Variants in RSF1 observed in about 807,000 individuals in gnomAD.
The protein encoded by RSF1 is remodeling and spacing factor 1.
RSF1 carries 13 observed loss-of-function variants against 145.2 expected under a neutral mutation model. The ratio of observed to expected loss-of-function variants is 0.09; its 90% confidence interval spans 0.06 to 0.14. RSF1 has a LOEUF of 0.14. Among genes scored for constraint, RSF1 ranks in the 10% least tolerant of loss-of-function variants. RSF1 has a pLI of 1.00. For missense variants in RSF1, 1,517 were observed against 1,718.2 expected (o/e 0.88, Z 2.07); for synonymous variants, 577 against 592.6 (o/e 0.97, Z 0.38).
At chr11:77,820,195 G>T (rs1948844008) in intron 1 of RSF1, among the ~76,000 whole-genome samples, 1 of 152,202 alleles carries the variant, frequency 6.6e-6, no homozygotes, top group Non-Finnish European at 1.5e-5. Flanking sequence ...GGGGGAGACG[G>T]GGTGGGGGGC....
At chr11:77,765,011 A>C (rs1948211502) in intron 1 of RSF1, among the ~76,000 whole-genome samples, 1 of 152,160 alleles carries the variant, frequency 6.6e-6, no homozygotes, top group Non-Finnish European at 1.5e-5. Context: ...GAAATGTACC[A>C]TTATTGTGGG....
At chr11:77,817,938 G>A (rs1948797452) in intron 1 of RSF1, among the ~76,000 whole-genome samples, 1 of 152,122 alleles carries the variant, frequency 6.6e-6, no homozygotes, top group Admixed American at 6.5e-5. Context: ...ATGATATCAT[G>A]GTTCATCATC....
At chr11:77,810,007 C>A (rs1233382690) in intron 1 of RSF1, among the ~76,000 whole-genome samples, 1 of 152,174 alleles carries the variant, frequency 6.6e-6, no homozygotes, top group Non-Finnish European at 1.5e-5. Context: ...GCTTCATAAC[C>A]AGTACTGCAC....
rs527520296 is a variant in RSF1, at chr11:77,803,819, C to A, written c.187+16709G>T. Reference sequence around the variant, plus strand: ...GCATGGCCAAGTGTGGTGGCTCACACCTATAATCCTAGCGCTTTGGGAGGC... The same window carrying A: ...GCATGGCCAAGTGTGGTGGCTCACAACTATAATCCTAGCGCTTTGGGAGGC... On this transcript the variant is annotated intron_variant, in intron 1 of 15. Coordinates refer to ENST00000308488, the MANE Select transcript of RSF1 (RefSeq NM_016578.4). Among the ~76,000 whole-genome samples the A allele has an allele frequency of 4.1e-4, 63 of 152,140 alleles. 1 individual carries two copies. The highest frequency in any genetic ancestry group is 1.5e-3 in the African/African-American group (61 of 41,488).
chr11:77,845,191 T>C, the RSF1 span, among the ~76,000 whole-genome samples: 2 of 152,222 alleles, frequency 1.3e-5, no homozygotes, highest in African/African-American at 4.8e-5. Context: ...GTATTCTTTC[T>C]ACTCCTATCT....
intron 2 of RSF1, among the ~76,000 whole-genome samples, chr11:77,750,910 T>G (rs1948056115): frequency 6.6e-6 from 1 of 152,128 alleles, no homozygotes; most frequent in African/African-American, 2.4e-5. Flanking sequence ...GCTTGGTGCC[T>G]GAGGGACAAC....
In RSF1 at chr11:77,661,726, T is replaced by C. The variant is rs990912910; in HGVS notation, c.*5191A>G. The stretch of plus-strand genomic sequence containing the variant: ...CATCCCTTAAAAGCTGTACAGTTAT[T>C]TTTTTTAAAAAAAGGTGACTCTCAA... On this transcript the variant is annotated 3_prime_UTR_variant, in exon 16 of 16. Coordinates refer to ENST00000308488, the MANE Select transcript of RSF1 (RefSeq NM_016578.4). The C allele has an allele frequency of 2.0e-5, 3 of 151,788 alleles. No homozygotes were observed. Among genetic ancestry groups the C allele is most frequent in the Non-Finnish European group, 4.4e-5 (3 of 67,934 alleles). 9.4% of individuals were successfully genotyped at this position (151,788 alleles called of 1,614,324 possible). A position where few individuals can be genotyped will look rare whatever the true frequency, so the allele number is the denominator to read the frequency against.
the RSF1 span, among the ~76,000 whole-genome samples, chr11:77,826,472 G>A: frequency 5.3e-5 from 8 of 152,102 alleles, no homozygotes; most frequent in African/African-American, 1.2e-4. Flanking sequence ...GATAATCATC[G>A]GCAGTTTGAC....
intron 14 of RSF1, among the ~76,000 whole-genome samples, chr11:77,674,686 T>G (rs1446192605): frequency 6.6e-6 from 1 of 152,240 alleles, no homozygotes; most frequent in Non-Finnish European, 1.5e-5. Context: ...TTAAGAACTC[T>G]TAACTCCAGA....
At chr11:77,850,205 A>T in the RSF1 span, among the ~76,000 whole-genome samples, 7 of 152,232 alleles carry the variant, frequency 4.6e-5, no homozygotes, top group Admixed American at 1.3e-4. Context: ...TAGTGATTAC[A>T]GAATGGAAAC....
intron 1 of RSF1, among the ~76,000 whole-genome samples, chr11:77,778,600 G>C (rs1948372562): frequency 6.6e-6 from 1 of 152,074 alleles, no homozygotes; most frequent in Non-Finnish European, 1.5e-5. Flanking sequence ...TCCTACCTCA[G>C]CCTACCAATT....
At chr11:77,709,308 T>C (rs1456346410) in intron 5 of RSF1, among the ~76,000 whole-genome samples, 1 of 152,234 alleles carries the variant, frequency 6.6e-6, no homozygotes, top group Non-Finnish European at 1.5e-5. Context: ...TTTTATTTAC[T>C]AATCTTGTTT....
At position 77,660,075 on chromosome 11, in the gene RSF1, T is replaced by C. The variant is rs1959218022; in HGVS notation, c.*6842A>G. On this transcript the variant is annotated 3_prime_UTR_variant, in exon 16 of 16. Coordinates refer to ENST00000308488, the MANE Select transcript of RSF1 (RefSeq NM_016578.4). The stretch of plus-strand genomic sequence containing the variant: ...GAAAGAAATGACAGAAGTATTATAA[T>C]AAAACATTTTGAAAGAAAAAGTTAC... The C allele has an allele frequency of 6.6e-6, 1 of 152,210 alleles. No individual in the cohort carries two copies. The highest frequency in any genetic ancestry group is 2.1e-4 in the South Asian group (1 of 4,834). 9.4% of individuals were successfully genotyped at this position (152,210 alleles called of 1,614,324 possible).
intron 12 of RSF1, among the ~76,000 whole-genome samples, chr11:77,677,515 C>G (rs1959740198): frequency 1.3e-5 from 2 of 152,182 alleles, no homozygotes; most frequent in African/African-American, 4.8e-5. Flanking sequence ...ATAAAACATA[C>G]ATCTCTGGAA....
Position 77,700,803 on chromosome 11 carries a change from T to C in RSF1, c.2426A>G (p.Glu809Gly). Residue 809 changes from glutamate (E) to glycine (G), a missense_variant, in exon 6 of 16, where the codon GAA (glutamate) becomes GGA (glycine). Coordinates refer to ENST00000308488, the MANE Select transcript of RSF1 (RefSeq NM_016578.4). ...AGTTTTTTGCAAAGCTGTTGACTCT[T>C]CTTCCACCTCATCTTCTCCTTCCCC... ...KRGEGEDEVE[E>G]ESTALQKTDK... 6.2e-7 allele frequency: 1 copy of C among 1,612,096 alleles called. No individual in the cohort carries two copies. Among genetic ancestry groups the C allele is most frequent in the Non-Finnish European group, 8.5e-7 (1 of 1,179,872 alleles).
At chr11:77,790,999 C>T (rs1301368491) in intron 1 of RSF1, among the ~76,000 whole-genome samples, 2 of 152,212 alleles carry the variant, frequency 1.3e-5, no homozygotes, top group African/African-American at 2.4e-5. Context: ...CCTCTTCTCA[C>T]AGCTCCACTA....
Position 77,700,983 on chromosome 11 carries a change from G to A in RSF1, c.2246C>T (p.Pro749Leu). ...ISSRKKKPDSPPKVLEPENKQ... is the reference protein window; with the variant it reads ...ISSRKKKPDSLPKVLEPENKQ... ...GTTTTCTGGTTCTAGAACTTTGGGGGGAGAATCGGGCTTCTTTTTCCGACT... is the reference window on the plus strand; with the variant it reads ...GTTTTCTGGTTCTAGAACTTTGGGGAGAGAATCGGGCTTCTTTTTCCGACT... The change falls in exon 6 of 16, where the codon CCC (proline) becomes CTC (leucine). Residue 749 changes from proline (P) to leucine (L), a missense_variant. Coordinates refer to ENST00000308488, the MANE Select transcript of RSF1 (RefSeq NM_016578.4). 1 of 1,613,348 alleles carries A rather than the reference G, an allele frequency of 6.2e-7. No individual in the cohort carries two copies. Among genetic ancestry groups the A allele is most frequent in the Non-Finnish European group, 8.5e-7 (1 of 1,179,998 alleles).
chr11:77,868,989 G>C, the RSF1 span: 3 of 308,042 alleles, frequency 9.7e-6, no homozygotes, highest in Non-Finnish European at 1.8e-5. Flanking sequence ...CAGCACGTTG[G>C]GTAATACCGT....
the RSF1 span, among the ~76,000 whole-genome samples, chr11:77,858,425 C>G: frequency 1.4e-5 from 2 of 138,876 alleles, no homozygotes; most frequent in Non-Finnish European, 3.0e-5. Context: ...CTGCTGTGCT[C>G]TCAGGCGATA....
Sources: allele counts gnomAD v4.1 joint callset (sites outside exome capture counted in the v4.1 genomes callset), GRCh38; gene constraint gnomAD v4.1.1; transcripts MANE v1.5; gene names NCBI Gene and HGNC (gene_info 2026-07-23, HGNC 2026-07-21).